SPTLC3: variants seen among roughly 807,000 people sequenced by gnomAD.
The protein encoded by SPTLC3 is serine palmitoyltransferase 3.
Under a neutral mutation model 59.3 loss-of-function variants are expected in SPTLC3, and 36 were observed. The observed-to-expected ratio is 0.61, with a 90% CI of 0.47 to 0.80. SPTLC3 has a LOEUF of 0.80. Among genes scored for constraint, SPTLC3 ranks in the 30% least tolerant of loss-of-function variants. The pLI, the probability that SPTLC3 is intolerant of heterozygous loss-of-function variation, is 0.00. For synonymous variants in SPTLC3, 257 were observed against 240.8 expected (o/e 1.07, Z -0.62); for missense variants, 625 against 685.1 (o/e 0.91, Z 0.98).
chr20:13,026,440 A>G (rs951677391), intron 1 of SPTLC3, among the ~76,000 whole-genome samples: 3 of 152,074 alleles, frequency 2.0e-5, no homozygotes, highest in Non-Finnish European at 2.9e-5. Flanking sequence ...GTGAGATGGT[A>G]TGTCATTGTG....
chr20:13,106,719 C>T (rs972336225), intron 6 of SPTLC3, among the ~76,000 whole-genome samples: 2 of 152,188 alleles, frequency 1.3e-5, no homozygotes, highest in Admixed American at 6.5e-5. Flanking sequence ...CCGTGCCCTA[C>T]GTGCCATTAA....
chr20:13,129,740 T>C (rs1210225732), intron 9 of SPTLC3, among the ~76,000 whole-genome samples: 1 of 152,234 alleles, frequency 6.6e-6, no homozygotes, highest in Non-Finnish European at 1.5e-5. Context: ...CTGATCACAG[T>C]GGAAGATCTG....
At chr20:13,103,615 G>A (rs6109705) in intron 6 of SPTLC3, among the ~76,000 whole-genome samples, 68,632 of 152,082 alleles carry the variant, frequency 0.45, 18,517 homozygotes, top group African/African-American at 0.77. Context: ...GGTCATGGAT[G>A]ACAAAGAATA....
At chr20:13,076,456 C>T (rs1988648548) in intron 4 of SPTLC3, among the ~76,000 whole-genome samples, 1 of 152,066 alleles carries the variant, frequency 6.6e-6, no homozygotes, top group Middle Eastern at 3.2e-3. Context: ...CCTACAAGTT[C>T]ATGAATATTT....
At chr20:13,052,142 A>C (rs1210819147) in intron 2 of SPTLC3, among the ~76,000 whole-genome samples, 1 of 152,144 alleles carries the variant, frequency 6.6e-6, no homozygotes, top group Non-Finnish European at 1.5e-5. Context: ...TGTAGAAGGC[A>C]TTTGATTTCT....
At chr20:13,058,663 A>G (rs1987827441) in intron 2 of SPTLC3, among the ~76,000 whole-genome samples, 1 of 152,160 alleles carries the variant, frequency 6.6e-6, no homozygotes, top group Non-Finnish European at 1.5e-5. Flanking sequence ...TTTTAGAGCA[A>G]TGCTTCTCAA....
chr20:13,119,127 G>A (rs916751782), intron 8 of SPTLC3, among the ~76,000 whole-genome samples: 1 of 152,202 alleles, frequency 6.6e-6, no homozygotes, highest in Non-Finnish European at 1.5e-5. Context: ...AAATTTAGGA[G>A]CTCCCTGATC....
At chr20:13,102,969 C>T (rs1000522564) in intron 6 of SPTLC3, among the ~76,000 whole-genome samples, 4 of 152,126 alleles carry the variant, frequency 2.6e-5, no homozygotes, top group Middle Eastern at 3.2e-3. Flanking sequence ...TCCATAAGCC[C>T]AACCCAGGTC....
intron 2 of SPTLC3, among the ~76,000 whole-genome samples, chr20:13,065,481 A>C (rs1988167713): frequency 6.6e-6 from 1 of 151,886 alleles, no homozygotes; most frequent in Non-Finnish European, 1.5e-5. Context: ...CTTATAAGCA[A>C]CAAATAGATT....
At chr20:13,102,240 AG>A (rs1213581597) in intron 6 of SPTLC3, among the ~76,000 whole-genome samples, 1 of 151,974 alleles carries the variant, frequency 6.6e-6, no homozygotes, top group Non-Finnish European at 1.5e-5. Flanking sequence ...TTTCTAAACT[AG>A]GTTGCTTAAT....
chr20:13,066,854 G>T (rs1988232066), intron 2 of SPTLC3, among the ~76,000 whole-genome samples: 1 of 150,932 alleles, frequency 6.6e-6, no homozygotes, highest in Non-Finnish European at 1.5e-5. Context: ...TTCTGAATCT[G>T]CCCTATATAT....
At chr20:13,136,819 A>T (rs1737090662) in intron 9 of SPTLC3, among the ~76,000 whole-genome samples, 1 of 151,134 alleles carries the variant, frequency 6.6e-6, no homozygotes, top group African/African-American at 2.4e-5. Flanking sequence ...ATGTTTTCTC[A>T]ATATAGTATT....
chr20:13,078,297 A>G (rs1361149312), intron 4 of SPTLC3, among the ~76,000 whole-genome samples: 1 of 150,500 alleles, frequency 6.6e-6, no homozygotes, highest in Non-Finnish European at 1.5e-5. Flanking sequence ...TAATCAAGTA[A>G]TTCTATTCAG....
At chr20:13,021,838 T>A (rs1198950018) in intron 1 of SPTLC3, among the ~76,000 whole-genome samples, 1 of 152,194 alleles carries the variant, frequency 6.6e-6, no homozygotes, top group Non-Finnish European at 1.5e-5. Flanking sequence ...TCATTTCCTT[T>A]GCGACTTCAA....
intron 5 of SPTLC3, among the ~76,000 whole-genome samples, chr20:13,092,524 C>T (rs907103703): frequency 6.6e-6 from 1 of 152,148 alleles, no homozygotes; most frequent in African/African-American, 2.4e-5. Flanking sequence ...AACTGTCTAT[C>T]AAATGATAGT....
chr20:13,040,141 A>G lies in SPTLC3; in HGVS notation c.118-8804A>G, dbSNP rs1377284533. On this transcript the variant is annotated intron_variant, in intron 1 of 11. Transcript: ENST00000399002. ...AACTTTCTTATTTATCTTCTTATTT[A>G]ACATTTCTGGTTTTATTCATTAGTT... Among the ~76,000 whole-genome samples the G allele has an allele frequency of 2.0e-5, 3 of 151,800 alleles. No individual in the cohort carries two copies. The East Asian group carries it at 5.8e-4, about 29-fold the overall frequency.
intron 1 of SPTLC3, among the ~76,000 whole-genome samples, chr20:13,018,400 G>C (rs1413225433): frequency 6.6e-6 from 1 of 152,080 alleles, no homozygotes; most frequent in Admixed American, 6.5e-5. Context: ...TTTCTGTTTT[G>C]TTTGGCATAA....
intron 7 of SPTLC3, among the ~76,000 whole-genome samples, chr20:13,111,958 C>T (rs1990256675): frequency 6.6e-6 from 1 of 152,174 alleles, no homozygotes; most frequent in African/African-American, 2.4e-5. Context: ...GCCTGCATCC[C>T]ACCACTTCAG....
At chr20:13,163,878 T>C (rs1025476513) in intron 11 of SPTLC3, among the ~76,000 whole-genome samples, 6 of 152,290 alleles carry the variant, frequency 3.9e-5, no homozygotes, top group South Asian at 2.1e-4. Flanking sequence ...ATTGGTGATA[T>C]ACTAGAATTG....
Sources: allele counts gnomAD v4.1 joint callset (sites outside exome capture counted in the v4.1 genomes callset), GRCh38; gene constraint gnomAD v4.1.1; transcripts MANE v1.5; gene names NCBI Gene and HGNC (gene_info 2026-07-23, HGNC 2026-07-21).